Variants in TAFA2 observed in about 807,000 individuals in gnomAD.
TAFA2 encodes TAFA chemokine like family member 2.
TAFA2 carries 7 observed loss-of-function variants against 18.8 expected under a neutral mutation model. That is an observed-to-expected ratio of 0.37 (90% CI 0.21 to 0.70). TAFA2 has a LOEUF of 0.70. TAFA2 is among the 30% of genes least tolerant of loss of function. The pLI, the probability that TAFA2 is intolerant of heterozygous loss-of-function variation, is 0.53. For synonymous variants in TAFA2, 60 were observed against 54.2 expected, an observed-to-expected ratio of 1.11 and a Z score of -0.47; for missense variants, 122 against 158.1, an observed-to-expected ratio of 0.77 and a Z score of 1.23.
chr12:61,895,224 A>G (rs545489839), intron 1 of TAFA2, among the ~76,000 whole-genome samples: 1 of 152,320 alleles, frequency 6.6e-6, no homozygotes, highest in South Asian at 2.1e-4. Context: ...ATAAAAATAG[A>G]ATCATAAATA....
intron 1 of TAFA2, among the ~76,000 whole-genome samples, chr12:62,199,687 G>C (rs1439600546): frequency 6.6e-6 from 1 of 151,878 alleles, no homozygotes; most frequent in Admixed American, 6.6e-5. Context: ...CTATATCTTT[G>C]CTATTGTAAA....
intron 1 of TAFA2, among the ~76,000 whole-genome samples, chr12:62,085,443 C>T (rs979431049): frequency 6.6e-6 from 1 of 152,106 alleles, no homozygotes; most frequent in Non-Finnish European, 1.5e-5. Context: ...GAAAATTGTC[C>T]TGGAGGTAAC....
At chr12:61,748,975 G>A (rs1180991932) in intron 4 of TAFA2, among the ~76,000 whole-genome samples, 1 of 151,912 alleles carries the variant, frequency 6.6e-6, no homozygotes, top group East Asian at 1.9e-4. Context: ...GTAAAGGAAA[G>A]AATAATGTGG....
intron 1 of TAFA2, among the ~76,000 whole-genome samples, chr12:62,036,238 G>A (rs1881608597): frequency 6.6e-6 from 1 of 152,100 alleles, no homozygotes; most frequent in Non-Finnish European, 1.5e-5. Context: ...CAGCCTTATA[G>A]GTGATATTAA....
At chr12:62,122,868 C>T (rs9739682) in intron 1 of TAFA2, among the ~76,000 whole-genome samples, 33,920 of 152,058 alleles carry the variant, frequency 0.22, 4,169 homozygotes, top group East Asian at 0.37. Context: ...CTGTGACCTG[C>T]AGCCCCATCA....
At chr12:61,833,271 C>G (rs773979496) in intron 2 of TAFA2, among the ~76,000 whole-genome samples, 1 of 151,464 alleles carries the variant, frequency 6.6e-6, no homozygotes, top group South Asian at 2.1e-4. Flanking sequence ...CTCCTTCCCC[C>G]AGAAACATTC....
intron 4 of TAFA2, among the ~76,000 whole-genome samples, chr12:61,751,780 T>C (rs1007872275): frequency 6.6e-6 from 1 of 152,024 alleles, no homozygotes. Flanking sequence ...TTGGAAGAAT[T>C]TGTGAAGCAG....
intron 1 of TAFA2, among the ~76,000 whole-genome samples, chr12:61,883,990 G>T (rs1030768728): frequency 6.6e-6 from 1 of 152,116 alleles, no homozygotes; most frequent in East Asian, 1.9e-4. Context: ...CTCAATAAAT[G>T]TTGAACCCTG....
chr12:61,915,820 T>C (rs1470617816), intron 1 of TAFA2, among the ~76,000 whole-genome samples: 2 of 152,178 alleles, frequency 1.3e-5, no homozygotes, highest in Non-Finnish European at 2.9e-5. Flanking sequence ...CCTCAATGGA[T>C]TGGATGATGC....
rs1047764162 is a variant in TAFA2, at chr12:62,176,059, T to C, written c.-2+15200A>G. The stretch of plus-strand genomic sequence containing the variant: ...TAAAGACATCCATAAACTTCAAGAA[T>C]AGAAATCCACTATTACAATACCATC... On this transcript the variant is annotated intron_variant, in intron 1 of 4. Transcript: ENST00000416284. 2.6e-5 allele frequency among the ~76,000 whole-genome samples: 4 copies of C among 152,128 alleles called. 1 individual carries two copies. Among genetic ancestry groups the C allele is most frequent in the Admixed American group, 2.0e-4 (3 of 15,270 alleles).
chr12:61,990,718 T>G (rs973823870), intron 1 of TAFA2, among the ~76,000 whole-genome samples: 1 of 152,206 alleles, frequency 6.6e-6, no homozygotes, highest in Admixed American at 6.5e-5. Context: ...ACAAAATTAC[T>G]TATGTGGTAG....
intron 1 of TAFA2, among the ~76,000 whole-genome samples, chr12:62,076,087 TTTGAC>T (rs1428315726): frequency 1.3e-5 from 2 of 152,180 alleles, no homozygotes; most frequent in Non-Finnish European, 2.9e-5. Flanking sequence ...ATCTTTAACC[TTTGAC>T]TTGGTAAATG....
chr12:62,028,720 G>A (rs567355838), intron 1 of TAFA2, among the ~76,000 whole-genome samples: 63 of 152,178 alleles, frequency 4.1e-4, no homozygotes, highest in Non-Finnish European at 7.5e-4. Flanking sequence ...TTGCAGAGTC[G>A]AATGCAGTCT....
At chr12:62,058,234 TGGGC>T (rs1443199680) in intron 1 of TAFA2, among the ~76,000 whole-genome samples, 2 of 152,176 alleles carry the variant, frequency 1.3e-5, no homozygotes, top group Non-Finnish European at 2.9e-5. Flanking sequence ...CCCATGATGA[TGGGC>T]CTTTAGTGAG....
At chr12:61,940,709 T>TG (rs1877966935) in intron 1 of TAFA2, among the ~76,000 whole-genome samples, 1 of 152,090 alleles carries the variant, frequency 6.6e-6, no homozygotes, top group Admixed American at 6.5e-5. Context: ...AAGCTAGCAA[T>TG]GGGCATGCTG....
intron 2 of TAFA2, among the ~76,000 whole-genome samples, chr12:61,771,343 A>G (rs1236752268): frequency 6.6e-6 from 1 of 152,048 alleles, no homozygotes; most frequent in Non-Finnish European, 1.5e-5. Context: ...GCCAAGAAAG[A>G]AACAATGGAC....
chr12:62,015,102 T>A (rs1266711386), intron 1 of TAFA2, among the ~76,000 whole-genome samples: 1 of 152,218 alleles, frequency 6.6e-6, no homozygotes, highest in African/African-American at 2.4e-5. Flanking sequence ...AAAGTTACTA[T>A]GTCTCCAACT....
At chr12:61,877,940 C>CACAT in intron 1 of TAFA2, 1 of 359,116 alleles carries the variant, frequency 2.8e-6, no homozygotes. Flanking sequence ...CACACACACA[C>CACAT]ATACATATAC....
intron 2 of TAFA2, among the ~76,000 whole-genome samples, chr12:61,835,895 C>G (rs1010544872): frequency 1.3e-5 from 2 of 151,846 alleles, no homozygotes; most frequent in African/African-American, 4.8e-5. Flanking sequence ...AGACAGCACC[C>G]ACACTTAAGC....
Sources: gnomAD v4.1 joint callset for allele counts (sites outside exome capture counted in the v4.1 genomes callset) on GRCh38, gnomAD v4.1.1 for gene constraint, MANE v1.5 for transcripts, NCBI Gene and HGNC (gene_info 2026-07-23, HGNC 2026-07-21) for gene names.